The following ZDHHC13 variants were observed in gnomAD, a reference collection of about 807,000 sequenced individuals.
ZDHHC13 encodes the protein zDHHC palmitoyltransferase 13, also known as palmitoyltransferase ZDHHC13.
ZDHHC13 carries 85 observed loss-of-function variants against 86.0 expected under a neutral mutation model. The observed-to-expected ratio is 0.99, with a 90% CI of 0.83 to 1.18. ZDHHC13 has a LOEUF of 1.18. Among genes scored for constraint, ZDHHC13 ranks in the 50% most tolerant of loss-of-function variants. The pLI, the probability that ZDHHC13 is intolerant of heterozygous loss-of-function variation, is 0.00. For missense variants in ZDHHC13, 711 were observed against 730.2 expected, an observed-to-expected ratio of 0.97 and a Z score of 0.30; for synonymous variants, 263 against 246.4, an observed-to-expected ratio of 1.07 and a Z score of -0.63.
intron 15 of ZDHHC13, among the ~76,000 whole-genome samples, chr11:19,171,909 T>C (rs1850231509): frequency 6.6e-6 from 1 of 152,224 alleles, no homozygotes; most frequent in East Asian, 1.9e-4. Context: ...GCTTTGACTG[T>C]AGCAAGTCAA....
intron 14 of ZDHHC13, 130 bp downstream of exon 14, chr11:19,166,515 G>A: frequency 4.6e-6 from 3 of 653,902 alleles, no homozygotes; most frequent in Non-Finnish European, 7.5e-6. Flanking sequence ...CAAAGCAAAT[G>A]CCTCTAAGAC....
chr11:19,156,672 T>G (rs1468189353), intron 9 of ZDHHC13, among the ~76,000 whole-genome samples: 1 of 152,150 alleles, frequency 6.6e-6, no homozygotes, highest in Non-Finnish European at 1.5e-5. Context: ...ATGGGTGTCA[T>G]GCTTGGATTA....
chr11:19,127,528 C>T (rs896327814), intron 1 of ZDHHC13, among the ~76,000 whole-genome samples: 1 of 152,108 alleles, frequency 6.6e-6, no homozygotes, highest in Admixed American at 6.6e-5. Context: ...TTTGCCCATT[C>T]CTATATCCAG....
intron 3 of ZDHHC13, 32 bp from the exon 4 acceptor site, chr11:19,147,564 A>AT: frequency 1.3e-6 from 2 of 1,546,306 alleles, no homozygotes; most frequent in Non-Finnish European, 1.8e-6. Flanking sequence ...TAAGTTTCAA[A>AT]TCTTACTTTC....
rs140041480 is a variant in ZDHHC13, at chr11:19,117,981, G to A, written c.27+705G>A. The stretch of plus-strand genomic sequence containing the variant: ...AGAAAACAAGATTTTTGTGCTTTTT[G>A]CTTATGGCCCTTTCCTAGTGCCTAG... On this transcript the variant is annotated intron_variant, in intron 1 of 16. Transcript: ENST00000446113. This position sits in a 1 kb window ranked among gnomAD's most constrained non-coding sequence, Gnocchi z 4.2. The A allele has an allele frequency of 6.6e-6, 1 of 152,190 alleles. No individual in the cohort carries two copies. The highest frequency in any genetic ancestry group is 1.5e-5 in the Non-Finnish European group (1 of 68,034). 9.4% of individuals were successfully genotyped at this position (152,190 alleles called of 1,614,324 possible). A position where few individuals can be genotyped will look rare whatever the true frequency, so the allele number is the denominator to read the frequency against.
chr11:19,150,820 A>G, intron 6 of ZDHHC13, 29 bp downstream of exon 6: 1 of 1,590,158 alleles, frequency 6.3e-7, no homozygotes, highest in Admixed American at 1.7e-5. Context: ...ACTCAATCTC[A>G]TTCTTGGTTC....
intron 9 of ZDHHC13, among the ~76,000 whole-genome samples, chr11:19,157,582 C>T (rs1293317178): frequency 6.6e-6 from 1 of 152,150 alleles, no homozygotes; most frequent in Non-Finnish European, 1.5e-5. Flanking sequence ...CAACTTGTGA[C>T]TTAGAGATAT....
intron 10 of ZDHHC13, among the ~76,000 whole-genome samples, chr11:19,161,009 T>C (rs1849895673): frequency 6.6e-6 from 1 of 151,972 alleles, no homozygotes; most frequent in African/African-American, 2.4e-5. Context: ...GGCAACCATA[T>C]GAACCTGCTA....
intron 1 of ZDHHC13, among the ~76,000 whole-genome samples, chr11:19,136,981 A>G (rs1188628484): frequency 6.6e-6 from 1 of 152,210 alleles, no homozygotes; most frequent in Non-Finnish European, 1.5e-5. Context: ...TGTAAAGACC[A>G]TCGAGACTAG....
intron 2 of ZDHHC13, among the ~76,000 whole-genome samples, chr11:19,143,571 T>G (rs867883656): frequency 1.3e-5 from 2 of 152,242 alleles, no homozygotes; most frequent in Admixed American, 6.5e-5. Context: ...TAAAAATCAT[T>G]TATTTCTTGA....
intron 10 of ZDHHC13, among the ~76,000 whole-genome samples, chr11:19,159,770 T>C (rs554844449): frequency 2.0e-5 from 3 of 152,072 alleles, no homozygotes; most frequent in South Asian, 4.1e-4. Flanking sequence ...GTTGTTCTCT[T>C]AGTGTTGGCC....
At chr11:19,165,203 C>G in intron 13 of ZDHHC13, 58 bp downstream of exon 13, 8 of 1,530,984 alleles carry the variant, frequency 5.2e-6, no homozygotes, top group Non-Finnish European at 7.1e-6. Flanking sequence ...TTAGTTATGA[C>G]TCACAGAAAA....
rs76478841 is a variant in ZDHHC13 at position 19,151,528 on chromosome 11, G to T, written c.585-630G>T. 6.9e-3 allele frequency among the ~76,000 whole-genome samples: 1,044 copies of T among 152,058 alleles called. 9 individuals are homozygous for T. Among genetic ancestry groups the T allele is most frequent in the African/African-American group, 0.024 (985 of 41,536 alleles). On this transcript the variant is annotated intron_variant, in intron 6 of 16. Transcript: ENST00000446113. ...TTTATTAAAAAGCATTTTCTCTTCT[G>T]TGCTGGTAAATCTGAAGTCAGGTAT... is the stretch of plus-strand genomic sequence containing the variant.
chr11:19,136,230 G>C (rs909036906), intron 1 of ZDHHC13, among the ~76,000 whole-genome samples: 33 of 152,196 alleles, frequency 2.2e-4, no homozygotes, highest in African/African-American at 6.8e-4. Context: ...GTGCTTAAAG[G>C]AGCTGATGGA....
chr11:19,151,396 G>A (rs1206934706), intron 6 of ZDHHC13, among the ~76,000 whole-genome samples: 1 of 151,964 alleles, frequency 6.6e-6, no homozygotes, highest in African/African-American at 2.4e-5. Flanking sequence ...TTGTTTCTAT[G>A]TTGTATTGAA....
chr11:19,145,694 G>A (rs1450044010), intron 2 of ZDHHC13, among the ~76,000 whole-genome samples: 3 of 152,142 alleles, frequency 2.0e-5, no homozygotes, highest in Non-Finnish European at 2.9e-5. Context: ...ATATAGCTTA[G>A]TTTCATCTCC....
chr11:19,137,851 C>T (rs1849188588), intron 1 of ZDHHC13, among the ~76,000 whole-genome samples: 1 of 152,134 alleles, frequency 6.6e-6, no homozygotes, highest in Non-Finnish European at 1.5e-5. Context: ...TAAAGATGTT[C>T]TTTGAAACCA....
At chr11:19,125,061 G>C (rs1160855300) in intron 1 of ZDHHC13, among the ~76,000 whole-genome samples, 3 of 152,238 alleles carry the variant, frequency 2.0e-5, no homozygotes, top group Non-Finnish European at 4.4e-5. Context: ...GTGACCCCAA[G>C]ACAGTAGTTT....
At chr11:19,168,773 A>G (rs1400154054) in intron 14 of ZDHHC13, 1 of 983,462 alleles carries the variant, frequency 1.0e-6, no homozygotes, top group Non-Finnish European at 1.2e-6. Flanking sequence ...TTCTCATGTG[A>G]TCCAATAGCT....
Sources: gnomAD v4.1 joint callset for allele counts (sites outside exome capture counted in the v4.1 genomes callset) on GRCh38, gnomAD v4.1.1 for gene constraint, Gnocchi (gnomAD v3.1) non-coding constraint, MANE v1.5 for transcripts, NCBI Gene and HGNC (gene_info 2026-07-23, HGNC 2026-07-21) for gene names.